DLC1: variants seen among roughly 807,000 people sequenced by gnomAD.
DLC1 encodes rho GTPase-activating protein 7.
In DLC1, 54 loss-of-function variants were observed where a neutral mutation model predicts 140.3. The ratio of observed to expected loss-of-function variants is 0.38; its 90% CI spans 0.31 to 0.48. The LOEUF (loss-of-function observed/expected upper bound fraction) is 0.48, where lower values mean the gene tolerates loss of function less well. Among genes scored for constraint, DLC1 ranks in the 20% least tolerant of loss-of-function variants. The pLI is 0.96. For missense variants in DLC1, 2,536 were observed against 1,907.0 expected (o/e 1.33, Z -6.14); for synonymous variants, 986 against 728.1 (o/e 1.35, Z -5.70).
At chr8:13,198,298 C>G (rs75902939) in intron 5 of DLC1, among the ~76,000 whole-genome samples, 1,703 of 152,246 alleles carry the variant, frequency 0.011, 13 homozygotes, top group South Asian at 0.037. Context: ...GAGTAATTCT[C>G]AGTTTCATAG....
chr8:13,556,072 T>G (rs1232696815), intron 1 of DLC1, among the ~76,000 whole-genome samples: 1 of 152,086 alleles, frequency 6.6e-6, no homozygotes, highest in Non-Finnish European at 1.5e-5. Context: ...AGTAAGTTAA[T>G]GGTGTGATAC....
chr8:13,600,326 A>G (rs1310092651), intron 1 of DLC1, among the ~76,000 whole-genome samples: 1 of 151,938 alleles, frequency 6.6e-6, no homozygotes, highest in African/African-American at 2.4e-5. Flanking sequence ...CCAGTTAATG[A>G]ATTTCTGGGG....
At chr8:13,158,286 T>A (rs1287040821) in intron 5 of DLC1, among the ~76,000 whole-genome samples, 1 of 152,148 alleles carries the variant, frequency 6.6e-6, no homozygotes, top group Non-Finnish European at 1.5e-5. Context: ...GTGAAACTTG[T>A]TCATCTTTCT....
chr8:13,526,835 C>T (rs1002645105), intron 1 of DLC1, among the ~76,000 whole-genome samples: 5 of 152,102 alleles, frequency 3.3e-5, no homozygotes, highest in South Asian at 4.2e-4. Context: ...GACGAGTTAA[C>T]GGGTGCAGCA....
At chr8:13,415,007 T>G (rs914159981) in intron 2 of DLC1, among the ~76,000 whole-genome samples, 1 of 152,096 alleles carries the variant, frequency 6.6e-6, no homozygotes, top group African/African-American at 2.4e-5. Context: ...AGAGACATGG[T>G]TTCACCATGT....
At chr8:13,318,095 A>T (rs573039666) in intron 4 of DLC1, among the ~76,000 whole-genome samples, 5 of 152,214 alleles carry the variant, frequency 3.3e-5, no homozygotes, top group African/African-American at 1.2e-4. Flanking sequence ...TGGTATGATC[A>T]TAGCTCACTG....
upstream of DLC1, chr8:13,515,354 C>T (rs922045907): frequency 2.6e-5 from 4 of 152,172 alleles, no homozygotes; most frequent in Non-Finnish European, 5.9e-5. Flanking sequence ...AGTAAAATCC[C>T]AAGCATCCAG....
rs1216097337 is a variant in DLC1, at chr8:13,085,675, G to A, written c.*136C>T. 7 of 1,327,378 alleles carry A rather than the reference G, an allele frequency of 5.3e-6. No homozygotes were observed. In the Admixed American group the frequency reaches 1.4e-4, roughly 27 times the overall value. The allele number at this position is 1,327,378 out of a possible 1,614,324, so 82.2% of individuals were successfully genotyped here. A position where few individuals can be genotyped will look rare whatever the true frequency, so the allele number is the denominator to read the frequency against. On this transcript the variant is annotated 3_prime_UTR_variant, in exon 18 of 18. Transcript: ENST00000276297. ...AGCAGCTTTAAAAATGTATCAAATT[G>A]CTATAGTCAATTCCTACACTCCAGC...
intron 2 of DLC1, among the ~76,000 whole-genome samples, chr8:13,437,369 T>A (rs2116901984): frequency 6.6e-6 from 1 of 152,392 alleles, no homozygotes; most frequent in African/African-American, 2.4e-5. Flanking sequence ...TCCTAAGACA[T>A]GCTGGTGAAC....
At chr8:13,383,269 C>T (rs1256897220) in intron 4 of DLC1, among the ~76,000 whole-genome samples, 2 of 152,188 alleles carry the variant, frequency 1.3e-5, no homozygotes, top group Non-Finnish European at 2.9e-5. Flanking sequence ...ACCAGTGACA[C>T]TTACGTGCCT....
intron 4 of DLC1, among the ~76,000 whole-genome samples, chr8:13,316,934 A>T (rs949476945): frequency 6.6e-5 from 10 of 151,018 alleles, no homozygotes; most frequent in African/African-American, 2.5e-4. Flanking sequence ...AATTGAATCT[A>T]TTCCTTTTTT....
At chr8:13,163,568 G>A (rs927842852) in intron 5 of DLC1, among the ~76,000 whole-genome samples, 1 of 152,152 alleles carries the variant, frequency 6.6e-6, no homozygotes, top group Non-Finnish European at 1.5e-5. Context: ...AAGAGAACGA[G>A]TAGTGATACA....
intron 4 of DLC1, among the ~76,000 whole-genome samples, chr8:13,306,228 C>T (rs1362357798): frequency 6.6e-6 from 1 of 152,156 alleles, no homozygotes; most frequent in Non-Finnish European, 1.5e-5. Flanking sequence ...CAATCCCCAG[C>T]ATTTATCACT....
intron 2 of DLC1, among the ~76,000 whole-genome samples, chr8:13,453,431 TATATATGTATATATATAC>T (rs1799198801): frequency 8.1e-5 from 3 of 37,224 alleles, no homozygotes; most frequent in East Asian, 5.8e-4. Flanking sequence ...TATGTGTATA[TATATATGTATATATATAC>T]ATATATATAT....
intron 5 of DLC1, among the ~76,000 whole-genome samples, chr8:13,197,782 A>C (rs980039700): frequency 6.6e-6 from 1 of 152,192 alleles, no homozygotes; most frequent in Non-Finnish European, 1.5e-5. Context: ...GGGAACTATA[A>C]AAATTTGAAT....
intron 5 of DLC1, among the ~76,000 whole-genome samples, chr8:13,192,606 A>AATTTT: frequency 6.6e-6 from 1 of 152,154 alleles, no homozygotes; most frequent in East Asian, 1.9e-4. Flanking sequence ...AATGTTTTGG[A>AATTTT]CAGAATTGTA....
At chr8:13,468,872 G>A (rs1393391976) in intron 2 of DLC1, among the ~76,000 whole-genome samples, 2 of 137,188 alleles carry the variant, frequency 1.5e-5, no homozygotes, top group African/African-American at 2.7e-5. Context: ...CCAGGCTGGA[G>A]TGCAGTGGTG....
intron 4 of DLC1, among the ~76,000 whole-genome samples, chr8:13,376,994 C>A (rs948803129): frequency 7.9e-5 from 12 of 152,284 alleles, no homozygotes; most frequent in African/African-American, 2.9e-4. Flanking sequence ...TGACAAAAAG[C>A]AGTAGCTAAT....
chr8:13,505,796 A>G (rs922809780), intron 1 of DLC1, among the ~76,000 whole-genome samples: 3 of 152,196 alleles, frequency 2.0e-5, no homozygotes, highest in African/African-American at 7.2e-5. Context: ...AATTCCTGAA[A>G]TTTGGAACAG....
Sources: gnomAD v4.1 joint callset for allele counts (sites outside exome capture counted in the v4.1 genomes callset) on GRCh38, gnomAD v4.1.1 for gene constraint, MANE v1.5 for transcripts, NCBI Gene and HGNC (gene_info 2026-07-23, HGNC 2026-07-21) for gene names.